The following COL22A1 variants were observed in gnomAD, a reference collection of about 807,000 sequenced individuals.
COL22A1 encodes the protein collagen type XXII alpha 1 chain.
In COL22A1, 221 loss-of-function variants were observed where a neutral mutation model predicts 248.9. That is an observed-to-expected ratio of 0.89 (90% CI 0.80 to 0.99). The LOEUF is 0.99. Among genes scored for constraint, COL22A1 ranks in the 50% least tolerant of loss-of-function variants. The pLI is 0.00. For synonymous variants in COL22A1, 891 were observed against 793.4 expected, an observed-to-expected ratio of 1.12 and a Z score of -2.07; for missense variants, 2,240 against 2,179.0, an observed-to-expected ratio of 1.03 and a Z score of -0.56.
intron 1 of COL22A1, among the ~76,000 whole-genome samples, chr8:138,896,465 A>G (rs568984166): frequency 2.0e-5 from 3 of 152,344 alleles, no homozygotes; most frequent in African/African-American, 4.8e-5. Flanking sequence ...AGAAGCAACC[A>G]CTAAAAAATA....
rs1816839475 is a variant in COL22A1, at chr8:138,589,320, C to T, written c.4814G>A (p.Cys1605Tyr). Residue 1605 changes from cysteine (C) to tyrosine (Y), a missense_variant, in exon 65 of 65, where the codon TGT becomes TAT. By Grantham distance (194) the Cys-to-Tyr change is radical. Transcript: ENST00000303045. The stretch of plus-strand genomic sequence containing the variant: ...GAAGTAGGCACACTGGGAAGGGTCA[C>T]ATTGGCCTGGGGGACCGGGAGGTCC... ...LPGPPGPPGQCDPSQCAYFAS... is the reference protein window; with the variant it reads ...LPGPPGPPGQYDPSQCAYFAS... The T allele has an allele frequency of 4.3e-6, 7 of 1,613,546 alleles. No homozygotes were observed. The East Asian group carries it at 1.3e-4, about 31-fold the overall frequency.
intron 32 of COL22A1, among the ~76,000 whole-genome samples, chr8:138,696,727 C>T (rs1423041656): frequency 3.9e-5 from 6 of 152,204 alleles, no homozygotes; most frequent in African/African-American, 1.4e-4. Context: ...ATTGCGTTTG[C>T]AAAGTGTTTC....
rs117688937 is a variant in COL22A1 at position 138,791,431 on chromosome 8, G to A, written c.1596+5388C>T. 1.8e-4 allele frequency among the ~76,000 whole-genome samples: 27 copies of A among 152,270 alleles called. No homozygotes were observed. The South Asian group carries it at 1.9e-3, about 11-fold the overall frequency. On this transcript the variant is annotated intron_variant, in intron 12 of 64. Transcript: ENST00000303045. ...CATCTGCCAAGTAACACAGAACAGCGTAACTCCAGTGCCAACTTAAGGTCA... is the reference window on the plus strand; with the variant it reads ...CATCTGCCAAGTAACACAGAACAGCATAACTCCAGTGCCAACTTAAGGTCA...
chr8:138,889,015 A>G (rs963763661), intron 1 of COL22A1, among the ~76,000 whole-genome samples: 2 of 152,162 alleles, frequency 1.3e-5, no homozygotes, highest in African/African-American at 2.4e-5. Context: ...TATGAAAGTA[A>G]CTGATTATCA....
intron 60 of COL22A1, among the ~76,000 whole-genome samples, chr8:138,601,494 C>T (rs1564082607): frequency 6.6e-6 from 1 of 152,168 alleles, no homozygotes; most frequent in Non-Finnish European, 1.5e-5. Flanking sequence ...CAGCGTGAGG[C>T]TGACCAAACG....
At chr8:138,699,219 C>T (rs1827761818) in intron 32 of COL22A1, among the ~76,000 whole-genome samples, 2 of 152,192 alleles carry the variant, frequency 1.3e-5, no homozygotes, top group Admixed American at 1.3e-4. Flanking sequence ...CCCCATTATG[C>T]TTCCCAAGCA....
intron 22 of COL22A1, among the ~76,000 whole-genome samples, chr8:138,746,055 G>C (rs1039549627): frequency 1.3e-5 from 2 of 152,248 alleles, no homozygotes; most frequent in African/African-American, 2.4e-5. Context: ...GGATGGCGTG[G>C]AGCGTGCCTC....
intron 23 of COL22A1, among the ~76,000 whole-genome samples, chr8:138,727,851 A>G (rs1424805174): frequency 6.6e-6 from 1 of 152,008 alleles, no homozygotes; most frequent in Non-Finnish European, 1.5e-5. Flanking sequence ...TCCCTAATGG[A>G]CGAGGGCTGC....
chr8:138,600,217 T>C (rs1024015159), intron 60 of COL22A1, among the ~76,000 whole-genome samples: 26 of 152,304 alleles, frequency 1.7e-4, no homozygotes, highest in African/African-American at 6.3e-4. Context: ...AAATGATTAG[T>C]TGGTCTGAAA....
intron 39 of COL22A1, 120 bp downstream of exon 39, chr8:138,684,305 G>A (rs1005000043): frequency 2.1e-5 from 16 of 764,338 alleles, no homozygotes; most frequent in African/African-American, 1.0e-4. Context: ...AATGGAACAC[G>A]ATGAGCTGAG....
At chr8:138,704,532 A>G (rs948954790) in intron 30 of COL22A1, among the ~76,000 whole-genome samples, 2 of 151,596 alleles carry the variant, frequency 1.3e-5, no homozygotes, top group Non-Finnish European at 2.9e-5. Context: ...GTGGACCTCC[A>G]GAAAACTTCA....
At chr8:138,737,208 C>T (rs747693572) in intron 23 of COL22A1, among the ~76,000 whole-genome samples, 46 of 152,186 alleles carry the variant, frequency 3.0e-4, no homozygotes, top group Admixed American at 7.2e-4. Context: ...TGACTGATTT[C>T]CCCACCACCT....
chr8:138,655,565 C>G (rs904650297), intron 45 of COL22A1, among the ~76,000 whole-genome samples: 5 of 152,216 alleles, frequency 3.3e-5, no homozygotes, highest in Admixed American at 3.3e-4. Flanking sequence ...TCAGGTCTCT[C>G]TATGTTGCCC....
At chr8:138,659,536 C>G (rs1231223636) in intron 44 of COL22A1, among the ~76,000 whole-genome samples, 1 of 152,208 alleles carries the variant, frequency 6.6e-6, no homozygotes, top group Non-Finnish European at 1.5e-5. Flanking sequence ...GCTGTCTCTT[C>G]CATCTTAGGC....
intron 43 of COL22A1, among the ~76,000 whole-genome samples, chr8:138,661,062 A>C (rs115921815): frequency 0.023 from 3,432 of 146,520 alleles, 132 homozygotes; most frequent in African/African-American, 0.081. Context: ...ACGCACACAC[A>C]CCCACATACA....
rs71316352 is a variant in COL22A1, at chr8:138,652,735, G to GTTT, written c.3334-2960_3334-2958dup. On this transcript the variant is annotated intron_variant, in intron 45 of 64. Coordinates refer to ENST00000303045, the MANE Select transcript of COL22A1 (RefSeq NM_152888.3). The stretch of plus-strand genomic sequence containing the variant: ...TAAAATATTTTCTTTTCCTTTTCTG[G>GTTT]TTTTTTTTTTTTTTTTTTTTTTTTT... Among the ~76,000 whole-genome samples the GTTT allele has an allele frequency of 2.0e-4, 11 of 54,284 alleles. 1 individual carries two copies. The highest frequency in any genetic ancestry group is 6.5e-4 in the African/African-American group (11 of 16,912). 35.6% of individuals were successfully genotyped at this position (54,284 alleles called of 152,430 possible). A position where few individuals can be genotyped will look rare whatever the true frequency, so the allele number is the denominator to read the frequency against.
chr8:138,635,713 C>T (rs866851102), intron 48 of COL22A1, among the ~76,000 whole-genome samples: 32 of 151,930 alleles, frequency 2.1e-4, no homozygotes, highest in Non-Finnish European at 3.4e-4. Context: ...CTCTGCCCTC[C>T]ACCTCCAAGC....
chr8:138,761,593 T>G (rs1471550163), intron 17 of COL22A1, among the ~76,000 whole-genome samples: 1 of 151,048 alleles, frequency 6.6e-6, no homozygotes, highest in African/African-American at 2.4e-5. Context: ...ATATATATTT[T>G]ATCTATGGTT....
At chr8:138,844,062 G>T (rs193051607) in intron 4 of COL22A1, 22 bp downstream of exon 4, 1 of 1,606,326 alleles carries the variant, frequency 6.2e-7, no homozygotes, top group Non-Finnish European at 8.5e-7. Context: ...GCAAGCACAC[G>T]TGGTTATTGT....
Sources: allele counts gnomAD v4.1 joint callset (sites outside exome capture counted in the v4.1 genomes callset), GRCh38; gene constraint gnomAD v4.1.1; transcripts MANE v1.5; gene names NCBI Gene and HGNC (gene_info 2026-07-23, HGNC 2026-07-21).